The following CPNE4 variants were observed in gnomAD, a reference collection of about 807,000 sequenced individuals.
CPNE4 encodes copine-4.
Under a neutral mutation model 67.9 loss-of-function variants are expected in CPNE4, and 25 were observed. The ratio of observed to expected loss-of-function variants is 0.37; its 90% confidence interval spans 0.27 to 0.51. The LOEUF is 0.51. Ranked by LOEUF, CPNE4 falls within the 20% of genes least tolerant of loss-of-function variation. The pLI is 0.93. For synonymous variants in CPNE4, 242 were observed against 244.9 expected, an observed-to-expected ratio of 0.99 and a Z score of 0.11; for missense variants, 464 against 690.8, an observed-to-expected ratio of 0.67 and a Z score of 3.68.
In CPNE4 at chr3:132,034,617, G is replaced by A. The variant is rs1430821713; in HGVS notation, c.-52C>T. 1.0e-6 allele frequency: 1 copy of A among 985,394 alleles called. No individual in the cohort carries two copies. Among genetic ancestry groups the A allele is most frequent in the Non-Finnish European group, 1.2e-6 (1 of 830,062 alleles). 61.0% of individuals were successfully genotyped at this position (985,394 alleles called of 1,614,324 possible). A position where few individuals can be genotyped will look rare whatever the true frequency, so the allele number is the denominator to read the frequency against. On this transcript the variant is annotated 5_prime_UTR_variant, in exon 1 of 16. Transcript: ENST00000429747. Reference sequence around the variant, plus strand: ...GAGAGAGAATTCAGCCCGGGACGAGGTCTGTCCCGCCCCCAGGATGCAAAA... The same window carrying A: ...GAGAGAGAATTCAGCCCGGGACGAGATCTGTCCCGCCCCCAGGATGCAAAA...
At chr3:131,911,585 G>A (rs2088978374) in intron 1 of CPNE4, among the ~76,000 whole-genome samples, 2 of 135,946 alleles carry the variant, frequency 1.5e-5, no homozygotes, top group Non-Finnish European at 1.6e-5. Flanking sequence ...GTGTGTGTGT[G>A]TAAACTCCTT....
At chr3:131,575,794 T>C (rs1937534420) in intron 9 of CPNE4, among the ~76,000 whole-genome samples, 1 of 152,126 alleles carries the variant, frequency 6.6e-6, no homozygotes, top group Admixed American at 6.6e-5. Flanking sequence ...GAGTTGAGAC[T>C]CAAATGATGC....
chr3:131,764,175 T>C (rs2082953415), intron 2 of CPNE4, among the ~76,000 whole-genome samples: 1 of 151,730 alleles, frequency 6.6e-6, no homozygotes, highest in Admixed American at 6.6e-5. Flanking sequence ...CTCACAACAA[T>C]GGAATATTTT....
chr3:131,955,421 T>TGTTTTTTTTTTG lies in CPNE4; in HGVS notation c.-1-49978_-1-49977insCAAAAAAAAAAC, dbSNP rs1560674401. Reference sequence around the variant, plus strand: ...GTATTGTATGTAAGGTTTTTTTTTTTTTTTTTTTTTTTTGTATGCTTTCTA... The same window carrying TGTTTTTTTTTTG: ...GTATTGTATGTAAGGTTTTTTTTTTTGTTTTTTTTTTGTTTTTTTTTTTTTGTATGCTTTCTA... On this transcript the variant is annotated intron_variant, in intron 1 of 15. Transcript: ENST00000429747. Among the ~76,000 whole-genome samples the TGTTTTTTTTTTG allele has an allele frequency of 4.5e-5, 6 of 132,312 alleles. 1 individual carries two copies. Among genetic ancestry groups the TGTTTTTTTTTTG allele is most frequent in the African/African-American group, 1.4e-4 (5 of 34,778 alleles). The allele number at this position is 132,312 out of a possible 152,430, so 86.8% of individuals were successfully genotyped here. A position where few individuals can be genotyped will look rare whatever the true frequency, so the allele number is the denominator to read the frequency against.
At chr3:131,607,622 T>C (rs1939582308) in intron 7 of CPNE4, among the ~76,000 whole-genome samples, 1 of 152,164 alleles carries the variant, frequency 6.6e-6, no homozygotes, top group African/African-American at 2.4e-5. Flanking sequence ...GTTATCATTT[T>C]TGAAAAAGCA....
intron 3 of CPNE4, among the ~76,000 whole-genome samples, chr3:131,710,398 T>C (rs2081528554): frequency 6.6e-6 from 1 of 152,146 alleles, no homozygotes; most frequent in Admixed American, 6.5e-5. Flanking sequence ...TTTTTAGATA[T>C]AGGAGTCAAT....
At chr3:131,691,354 C>G (rs1408344971) in intron 5 of CPNE4, among the ~76,000 whole-genome samples, 1 of 152,074 alleles carries the variant, frequency 6.6e-6, no homozygotes, top group Non-Finnish European at 1.5e-5. Flanking sequence ...ACTTATATAC[C>G]ATAGAATACT....
chr3:131,868,806 G>A (rs73203899), intron 2 of CPNE4, among the ~76,000 whole-genome samples: 11,577 of 152,082 alleles, frequency 0.076, 583 homozygotes, highest in East Asian at 0.17. Context: ...TTAGAACATC[G>A]CAGGAGTAGC....
intron 2 of CPNE4, among the ~76,000 whole-genome samples, chr3:131,754,971 T>C (rs1189502074): frequency 6.6e-6 from 1 of 152,156 alleles, no homozygotes; most frequent in Non-Finnish European, 1.5e-5. Context: ...TTTGCTTAAA[T>C]ATGGAACAGG....
intron 2 of CPNE4, among the ~76,000 whole-genome samples, chr3:131,862,796 G>A (rs1474832205): frequency 3.3e-5 from 5 of 151,936 alleles, no homozygotes; most frequent in Admixed American, 6.6e-5. Context: ...CCATGTTGGT[G>A]TGCTGCACCC....
At chr3:131,683,909 C>A (rs2080820679) in intron 6 of CPNE4, among the ~76,000 whole-genome samples, 1 of 152,054 alleles carries the variant, frequency 6.6e-6, no homozygotes, top group Non-Finnish European at 1.5e-5. Context: ...GAGTTATGCC[C>A]AGTATTGCTT....
At chr3:132,019,585 A>T (rs2107687210) in intron 1 of CPNE4, among the ~76,000 whole-genome samples, 1 of 152,350 alleles carries the variant, frequency 6.6e-6, no homozygotes, top group Non-Finnish European at 1.5e-5. Context: ...ATTTACTTTT[A>T]AAAACAGAAT....
At chr3:131,771,054 A>G (rs892543773) in intron 2 of CPNE4, among the ~76,000 whole-genome samples, 4 of 152,138 alleles carry the variant, frequency 2.6e-5, no homozygotes, top group African/African-American at 4.8e-5. Flanking sequence ...TTTCATATTT[A>G]TATATGCCTA....
At chr3:131,708,989 T>TATATATATATAC (rs2081490878) in intron 3 of CPNE4, among the ~76,000 whole-genome samples, 3 of 112,150 alleles carry the variant, frequency 2.7e-5, no homozygotes, top group Admixed American at 8.5e-5. Context: ...TATATATATA[T>TATATATATATAC]ATATATACAT....
chr3:131,647,474 G>A (rs115052395), intron 7 of CPNE4, among the ~76,000 whole-genome samples: 2,108 of 152,280 alleles, frequency 0.014, 45 homozygotes, highest in African/African-American at 0.047. Flanking sequence ...GCCCTCCACC[G>A]TCTCTAATCT....
chr3:131,660,301 C>G (rs562556712), intron 7 of CPNE4, among the ~76,000 whole-genome samples: 1 of 151,910 alleles, frequency 6.6e-6, no homozygotes, highest in Admixed American at 6.6e-5. Flanking sequence ...GTACAACAGC[C>G]CATTTCTTCC....
chr3:131,542,559 G>T lies in CPNE4; in HGVS notation c.1537C>A (p.His513Asn). 1 of 1,611,460 alleles carries T rather than the reference G, an allele frequency of 6.2e-7. No individual in the cohort carries two copies. Among genetic ancestry groups the T allele is most frequent in the Non-Finnish European group, 8.5e-7 (1 of 1,177,600 alleles). The stretch of plus-strand genomic sequence containing the variant: ...TGCCCCAATGTGTATATGCATACGT[G>T]TTTGAAGTTCCTGAAGGGCACGAAC... ...VQFVPFRNFK[H>N]ASPAALAKSV... Residue 513 changes from histidine to asparagine, a missense_variant and splice_region_variant, in exon 15 of 16, where the codon CAC becomes AAC. His to Asn is a moderately conservative substitution (Grantham distance 68). This residue lies in a region of CPNE4 where 201 missense variants were observed against 357.7 expected (regional missense o/e 0.56). Transcript: ENST00000429747.
At chr3:131,767,182 T>C (rs1274068167) in intron 2 of CPNE4, among the ~76,000 whole-genome samples, 1 of 152,102 alleles carries the variant, frequency 6.6e-6, no homozygotes, top group Non-Finnish European at 1.5e-5. Context: ...GACTTTGATT[T>C]TTTTGCCTGT....
At chr3:131,639,466 A>G (rs1340838227) in intron 7 of CPNE4, among the ~76,000 whole-genome samples, 2 of 152,148 alleles carry the variant, frequency 1.3e-5, no homozygotes, top group Admixed American at 6.5e-5. Context: ...CCCGGATGAC[A>G]TAGAATCTCT....
Sources: allele counts gnomAD v4.1 joint callset (sites outside exome capture counted in the v4.1 genomes callset), GRCh38; gene constraint gnomAD v4.1.1; regional missense constraint gnomAD v4.1.1; transcripts MANE v1.5; gene names NCBI Gene and HGNC (gene_info 2026-07-23, HGNC 2026-07-21).